The following ATXN10 variants were observed in gnomAD, a reference collection of about 807,000 sequenced individuals.
ATXN10 encodes the protein ataxin-10.
Under a neutral mutation model 52.9 loss-of-function variants are expected in ATXN10, and 28 were observed. That is an observed-to-expected ratio of 0.53 (90% CI 0.39 to 0.73). ATXN10 has a LOEUF of 0.73. Ranked by LOEUF, ATXN10 falls within the 30% of genes least tolerant of loss-of-function variation. The pLI, the probability that ATXN10 is intolerant of heterozygous loss-of-function variation, is 0.00. For missense variants in ATXN10, 565 were observed against 577.0 expected (o/e 0.98, Z 0.21); for synonymous variants, 226 against 221.5 (o/e 1.02, Z -0.18).
At chr22:45,721,002 GTGT>G (rs1249839597) in intron 6 of ATXN10, among the ~76,000 whole-genome samples, 1 of 152,180 alleles carries the variant, frequency 6.6e-6, no homozygotes, top group Non-Finnish European at 1.5e-5. Context: ...TAATAACCAT[GTGT>G]TGTTATGTAC....
chr22:45,830,694 GAA>G (rs571033027), intron 10 of ATXN10, among the ~76,000 whole-genome samples: 4 of 115,612 alleles, frequency 3.5e-5, no homozygotes, highest in Admixed American at 8.8e-5. Flanking sequence ...TACAAAACAA[GAA>G]AAAAAAAAAA....
Position 45,700,294 on chromosome 22 carries a change from G to T in ATXN10, c.404G>T (p.Gly135Val), listed in dbSNP as rs199766375. The T allele has an allele frequency of 9.2e-5, 149 of 1,612,254 alleles. No individual in the cohort carries two copies. Among genetic ancestry groups the T allele is most frequent in the Non-Finnish European group, 3.1e-5 (37 of 1,178,616 alleles). ...QESLLTAFRCGLQFLGNIASR... is the reference protein window; with the variant it reads ...QESLLTAFRCVLQFLGNIASR... ...TATATATTCTTAGCTTTTCGCTGTG[G>T]CCTGCAGTTTTTAGGCAACATTGCC... The change falls in exon 4 of 12, where the codon GGC (glycine) becomes GTC (valine). Residue 135 changes from glycine (G) to valine (V), a missense_variant. Gly to Val is a moderately radical substitution (Grantham distance 109, BLOSUM62 -3). Transcript: ENST00000252934.
chr22:45,719,596 GA>G (rs1281545380), intron 6 of ATXN10, among the ~76,000 whole-genome samples: 1 of 151,652 alleles, frequency 6.6e-6, no homozygotes, highest in Non-Finnish European at 1.5e-5. Flanking sequence ...AATACAGGAA[GA>G]ATGCACAGTT....
In ATXN10 at chr22:45,833,685, G is replaced by T. The variant is rs1257164755; in HGVS notation, c.1238-9306G>T. ...CTGGTATCTGCAAGTTTATCACTTG[G>T]GATTTCTTTGAAGAGAAAGGGATGT... On this transcript the variant is annotated intron_variant, in intron 10 of 11. Transcript: ENST00000252934. The surrounding 1 kb of genome is among the most constrained non-coding windows in gnomAD (Gnocchi z 4.3). Among the ~76,000 whole-genome samples the T allele has an allele frequency of 6.6e-6, 1 of 152,116 alleles. No homozygotes were observed. Among genetic ancestry groups the T allele is most frequent in the Non-Finnish European group, 1.5e-5 (1 of 68,026 alleles).
At chr22:45,710,543 A>G (rs1924205883) in intron 5 of ATXN10, among the ~76,000 whole-genome samples, 2 of 152,222 alleles carry the variant, frequency 1.3e-5, no homozygotes. Context: ...GTTGGTTGCT[A>G]GAATGTAGGA....
Position 45,701,107 on chromosome 22 carries a change from G to C in ATXN10, c.488+729G>C, listed in dbSNP as rs546335225. ...GACCTGGCTTTGAATCTAGGCTTTG[G>C]TGCCAATGAATGGGGTGACTTTGAT... On this transcript the variant is annotated intron_variant, in intron 4 of 11. Transcript: ENST00000252934. This position sits in a 1 kb window ranked among gnomAD's most constrained non-coding sequence, Gnocchi z 4.2. Among the ~76,000 whole-genome samples the C allele has an allele frequency of 1.3e-5, 2 of 152,310 alleles. No individual in the cohort carries two copies. Among genetic ancestry groups the C allele is most frequent in the African/African-American group, 4.8e-5 (2 of 41,552 alleles).
chr22:45,813,981 T>C (rs1286265097), intron 10 of ATXN10, among the ~76,000 whole-genome samples: 2 of 152,228 alleles, frequency 1.3e-5, no homozygotes, highest in Non-Finnish European at 2.9e-5. Context: ...TTCTCATAAA[T>C]GGTGCTGGAC....
At position 45,718,382 on chromosome 22, in the gene ATXN10, T is replaced by C; in HGVS notation, c.648-31T>C. On this transcript the variant is annotated intron_variant, in intron 5 of 11. Coordinates refer to ENST00000252934, the MANE Select transcript of ATXN10 (RefSeq NM_013236.4). This position sits in a 1 kb window ranked among gnomAD's most constrained non-coding sequence, Gnocchi z 4.4. Reference sequence around the variant, plus strand: ...CATGTCTCTTTTACTATGTTTCAAGTAACCAAACTTTCCTCCTCTTTTTTC... The same window carrying C: ...CATGTCTCTTTTACTATGTTTCAAGCAACCAAACTTTCCTCCTCTTTTTTC... The C allele has an allele frequency of 6.4e-7, 1 of 1,554,128 alleles. No homozygotes were observed. The highest frequency in any genetic ancestry group is 1.1e-5 in the South Asian group (1 of 89,832).
intron 10 of ATXN10, among the ~76,000 whole-genome samples, chr22:45,813,557 T>C (rs1292300051): frequency 1.3e-5 from 2 of 152,008 alleles, no homozygotes; most frequent in African/African-American, 2.4e-5. Context: ...ACAGTAGTTT[T>C]CCCGGTAATC....
rs181852853 is a variant in ATXN10 at position 45,786,403 on chromosome 22, G to T, written c.1174-20556G>T. Among the ~76,000 whole-genome samples the T allele has an allele frequency of 6.6e-6, 1 of 152,316 alleles. No individual in the cohort carries two copies. The highest frequency in any genetic ancestry group is 1.5e-5 in the Non-Finnish European group (1 of 68,028). On this transcript the variant is annotated intron_variant, in intron 9 of 11. Coordinates refer to ENST00000252934, the MANE Select transcript of ATXN10 (RefSeq NM_013236.4). The surrounding 1 kb of genome is among the most constrained non-coding windows in gnomAD (Gnocchi z 4.1). Reference sequence around the variant, plus strand: ...GAGCAGGGTTAGTTTATGGGATGCAGTCTCTGACATTCTCGGCCTCACTGT... The same window carrying T: ...GAGCAGGGTTAGTTTATGGGATGCATTCTCTGACATTCTCGGCCTCACTGT...
rs1010898152 is a variant in ATXN10, at chr22:45,820,811, T to C, written c.1237+13789T>C. On this transcript the variant is annotated intron_variant, in intron 10 of 11. Coordinates refer to ENST00000252934, the MANE Select transcript of ATXN10 (RefSeq NM_013236.4). The surrounding 1 kb of genome is among the most constrained non-coding windows in gnomAD (Gnocchi z 4.9). ...CTGCCGGGAAAGTCGTCTTGGGGAA[T>C]GGACAGACCTTTTCTTCAGGGTTAA... Among the ~76,000 whole-genome samples, 2 of 152,128 alleles carry C rather than the reference T, an allele frequency of 1.3e-5. No individual in the cohort carries two copies. The highest frequency in any genetic ancestry group is 4.8e-5 in the African/African-American group (2 of 41,434).
rs1403887810 is a variant in ATXN10 at position 45,823,074 on chromosome 22, G to A, written c.1237+16052G>A. The A allele has an allele frequency of 6.7e-6, 3 of 448,122 alleles. No individual in the cohort carries two copies. The highest frequency in any genetic ancestry group is 6.1e-5 in the African/African-American group (3 of 48,956). The allele number at this position is 448,122 out of a possible 1,614,324, so 27.8% of individuals were successfully genotyped here. A position where few individuals can be genotyped will look rare whatever the true frequency, so the allele number is the denominator to read the frequency against. On this transcript the variant is annotated intron_variant, in intron 10 of 11. Transcript: ENST00000252934. The surrounding 1 kb of genome is among the most constrained non-coding windows in gnomAD (Gnocchi z 4.9). ...TTCATTGAGGTATAACTTAAATAGA[G>A]TAAACTGCAAAATTTTTAAGTATAC...
intron 9 of ATXN10, among the ~76,000 whole-genome samples, chr22:45,771,668 C>G (rs1037353386): frequency 2.0e-5 from 3 of 152,152 alleles, no homozygotes; most frequent in Non-Finnish European, 4.4e-5. Flanking sequence ...CCACCCACCT[C>G]GAGCTCCCAA....
In ATXN10 at chr22:45,823,031, C is replaced by T; in HGVS notation, c.1237+16009C>T. ...CCCATCCATCTTTGTTCTTACTTTC[C>T]TCATGGTGTCTTATTATTTCATTGA... On this transcript the variant is annotated intron_variant, in intron 10 of 11. Transcript: ENST00000252934. The surrounding 1 kb of genome is among the most constrained non-coding windows in gnomAD (Gnocchi z 4.9). 1 of 325,552 alleles carries T rather than the reference C, an allele frequency of 3.1e-6. No homozygotes were observed. Among genetic ancestry groups the T allele is most frequent in the Admixed American group, 3.9e-5 (1 of 25,318 alleles). 20.2% of individuals were successfully genotyped at this position (325,552 alleles called of 1,614,324 possible).
At position 45,805,188 on chromosome 22, in the gene ATXN10, T is replaced by C. The variant is rs1928059193; in HGVS notation, c.1174-1771T>C. ...ACTTCACTTACACTAGAATGCCTAC[T>C]ACAAAAGACAGACAATAGCAAGTGT... On this transcript the variant is annotated intron_variant, in intron 9 of 11. Transcript: ENST00000252934. The surrounding 1 kb of genome is among the most constrained non-coding windows in gnomAD (Gnocchi z 4.4). Among the ~76,000 whole-genome samples the C allele has an allele frequency of 1.3e-5, 2 of 152,214 alleles. No homozygotes were observed. The highest frequency in any genetic ancestry group is 4.8e-5 in the African/African-American group (2 of 41,454).
In ATXN10 at chr22:45,727,880, A is replaced by G. The variant is rs73441180; in HGVS notation, c.729-1545A>G. 7.9e-5 allele frequency among the ~76,000 whole-genome samples: 12 copies of G among 151,902 alleles called. No homozygotes were observed. Among genetic ancestry groups the G allele is most frequent in the African/African-American group, 2.7e-4 (11 of 41,440 alleles). ...TTTTACTGTTGTTGCTTTAAAGTCT[A>G]TTTTATCTGACATAAGAGCTGTTCT... On this transcript the variant is annotated intron_variant, in intron 6 of 11. Coordinates refer to ENST00000252934, the MANE Select transcript of ATXN10 (RefSeq NM_013236.4). The surrounding 1 kb of genome is among the most constrained non-coding windows in gnomAD (Gnocchi z 4.6).
At position 45,825,259 on chromosome 22, in the gene ATXN10, T is replaced by C. The variant is rs1235681115; in HGVS notation, c.1238-17732T>C. 6.6e-6 allele frequency among the ~76,000 whole-genome samples: 1 copy of C among 152,202 alleles called. No individual in the cohort carries two copies. Among genetic ancestry groups the C allele is most frequent in the Admixed American group, 6.5e-5 (1 of 15,286 alleles). On this transcript the variant is annotated intron_variant, in intron 10 of 11. Transcript: ENST00000252934. This position sits in a 1 kb window ranked among gnomAD's most constrained non-coding sequence, Gnocchi z 4.5. ...ATCTGCCCCCATTGTTGTAAGTCCT[T>C]CCACCTCTGGCTGAAGTGGCTTTCT...
rs748642249 is a variant in ATXN10, at chr22:45,736,482, ACCT to A, written c.895-2248_895-2246del. ...TTGAAACACCTTACAGATAAGGGCCACCTTATCTGTAACACCTTACAGATAAGG... is the reference window on the plus strand; with the variant it reads ...TTGAAACACCTTACAGATAAGGGCCATATCTGTAACACCTTACAGATAAGG... On this transcript the variant is annotated intron_variant, in intron 7 of 11. Transcript: ENST00000252934. 3.1e-3 allele frequency among the ~76,000 whole-genome samples: 458 copies of A among 147,604 alleles called. 2 individuals are homozygous for A. The highest frequency in any genetic ancestry group is 0.011 in the South Asian group (51 of 4,804).
At chr22:45,738,924 A>T in intron 8 of ATXN10, 85 bp downstream of exon 8, 1 of 1,213,590 alleles carries the variant, frequency 8.2e-7, no homozygotes, top group East Asian at 2.3e-5. Context: ...ACAAATCCTT[A>T]ATTTTCAGTG....
Sources: allele counts gnomAD v4.1 joint callset (sites outside exome capture counted in the v4.1 genomes callset), GRCh38; gene constraint gnomAD v4.1.1; non-coding constraint Gnocchi (gnomAD v3.1); transcripts MANE v1.5; gene names NCBI Gene and HGNC (gene_info 2026-07-23, HGNC 2026-07-21).